The following ATP6V0D1 variants were observed in gnomAD, a reference collection of about 807,000 sequenced individuals.
ATP6V0D1 encodes the protein V-type proton ATPase subunit d 1.
In ATP6V0D1, 13 loss-of-function variants were observed where a neutral mutation model predicts 39.0. The ratio of observed to expected loss-of-function variants is 0.33; its 90% CI spans 0.22 to 0.53. The LOEUF is 0.53. Ranked by LOEUF, ATP6V0D1 falls within the 20% of genes least tolerant of loss-of-function variation. ATP6V0D1 has a pLI of 0.94. For missense variants in ATP6V0D1, 272 were observed against 470.9 expected (o/e 0.58, Z 3.91); for synonymous variants, 191 against 191.2 (o/e 1.00, Z 0.01).
At chr16:67,439,854 T>C in intron 4 of ATP6V0D1, 1 of 159,332 alleles carries the variant, frequency 6.3e-6, no homozygotes, top group East Asian at 1.8e-4. Context: ...CCGTCTCTAC[T>C]AAAAATACAA....
chr16:67,480,413 G>C (rs573913886), intron 1 of ATP6V0D1, among the ~76,000 whole-genome samples: 1 of 152,228 alleles, frequency 6.6e-6, no homozygotes, highest in East Asian at 1.9e-4. Context: ...ATTGCCTTCA[G>C]GAGATACTGC....
At chr16:67,473,578 C>T (rs1567543043) in intron 1 of ATP6V0D1, among the ~76,000 whole-genome samples, 1 of 152,202 alleles carries the variant, frequency 6.6e-6, no homozygotes, top group Non-Finnish European at 1.5e-5. Context: ...GGCTGGAGTG[C>T]AGTGGTGCAA....
intron 1 of ATP6V0D1, among the ~76,000 whole-genome samples, chr16:67,458,672 G>A (rs1237776412): frequency 6.6e-6 from 1 of 152,176 alleles, no homozygotes; most frequent in African/African-American, 2.4e-5. Context: ...TTCCTTGAAG[G>A]CTGATTTCTC....
chr16:67,452,769 T>G (rs1271151328), intron 2 of ATP6V0D1, among the ~76,000 whole-genome samples: 1 of 152,092 alleles, frequency 6.6e-6, no homozygotes, highest in Non-Finnish European at 1.5e-5. Context: ...TACCTCCCTG[T>G]GCAGTCCAGG....
intron 4 of ATP6V0D1, among the ~76,000 whole-genome samples, chr16:67,442,449 G>A (rs2041063772): frequency 7.1e-6 from 1 of 139,934 alleles, no homozygotes; most frequent in Admixed American, 6.7e-5. Flanking sequence ...ACTGGTCTCG[G>A]GCTTTTTTTT....
At chr16:67,445,222 G>A (rs1003286049) in intron 2 of ATP6V0D1, among the ~76,000 whole-genome samples, 18 of 152,322 alleles carry the variant, frequency 1.2e-4, no homozygotes, top group Non-Finnish European at 2.1e-4. Context: ...AGAGAAAGGC[G>A]CAGCAGCCGG....
Position 67,480,986 on chromosome 16 carries a change from A to C in ATP6V0D1, c.101T>G (p.Leu34Arg). ...KAGVLSQADY[L>R]NLVQCETLED... ...TAGCGTCTCGCACTGCACCAGGTTG[A>C]GGTAGTCGGCCTGGCTGAGCACCCC... The change falls in exon 1 of 8, where the codon CTC becomes CGC. Residue 34 changes from leucine to arginine, a missense_variant. Around this residue, in one of 4 missense-constraint regions of ATP6V0D1, gnomAD observed 81 missense variants for 96.0 expected, o/e 0.84. Transcript: ENST00000290949. The C allele has an allele frequency of 6.2e-7, 1 of 1,614,064 alleles. No homozygotes were observed. Among genetic ancestry groups the C allele is most frequent in the Non-Finnish European group, 8.5e-7 (1 of 1,179,972 alleles).
chr16:67,443,599 C>T (rs2041079637), intron 3 of ATP6V0D1, among the ~76,000 whole-genome samples: 1 of 152,202 alleles, frequency 6.6e-6, no homozygotes, highest in Non-Finnish European at 1.5e-5. Flanking sequence ...AACCAGCCTC[C>T]TCCTTAGGAC....
chr16:67,464,462 C>G (rs150567179), intron 1 of ATP6V0D1, among the ~76,000 whole-genome samples: 11 of 152,340 alleles, frequency 7.2e-5, no homozygotes, highest in African/African-American at 2.6e-4. Flanking sequence ...CCTCCAGGAG[C>G]CTGTCCAGCT....
intron 2 of ATP6V0D1, chr16:67,446,073 G>A: frequency 5.0e-6 from 2 of 403,072 alleles, no homozygotes; most frequent in Admixed American, 2.7e-5. Flanking sequence ...CCCTGTGACA[G>A]GACCTTGTGC....
chr16:67,461,489 G>A (rs773106996), intron 1 of ATP6V0D1, among the ~76,000 whole-genome samples: 1 of 152,198 alleles, frequency 6.6e-6, no homozygotes, highest in African/African-American at 2.4e-5. Flanking sequence ...CAGGTAGGAG[G>A]TAGTATAGCC....
At chr16:67,455,242 T>A (rs2041226343) in intron 1 of ATP6V0D1, 1 of 152,238 alleles carries the variant, frequency 6.6e-6, no homozygotes, top group Admixed American at 6.5e-5. Context: ...CAGGAGACCA[T>A]GCTAGCCTGG....
intron 1 of ATP6V0D1, chr16:67,459,202 G>C (rs550552217): frequency 2.0e-6 from 2 of 985,554 alleles, no homozygotes; most frequent in Non-Finnish European, 2.4e-6. Flanking sequence ...CTGCCGGAGA[G>C]AGAAGCCCTT....
chr16:67,477,812 A>ACAGG (rs1396165585), intron 1 of ATP6V0D1, among the ~76,000 whole-genome samples: 10 of 152,166 alleles, frequency 6.6e-5, no homozygotes, highest in Non-Finnish European at 1.3e-4. Context: ...AGCTGGGACT[A>ACAGG]CAGGCACCCG....
intron 1 of ATP6V0D1, among the ~76,000 whole-genome samples, chr16:67,478,059 G>C (rs894045658): frequency 3.9e-5 from 6 of 152,184 alleles, no homozygotes; most frequent in Admixed American, 3.9e-4. Flanking sequence ...CATTTACCTA[G>C]CGCTTATTCT....
chr16:67,471,603 A>G (rs1429361151), intron 1 of ATP6V0D1, among the ~76,000 whole-genome samples: 1 of 152,096 alleles, frequency 6.6e-6, no homozygotes, highest in East Asian at 1.9e-4. Flanking sequence ...AACTTCTCCT[A>G]TCTAGCTGTA....
At chr16:67,459,725 C>T (rs2041274095) in intron 1 of ATP6V0D1, among the ~76,000 whole-genome samples, 1 of 152,258 alleles carries the variant, frequency 6.6e-6, no homozygotes, top group East Asian at 1.9e-4. Flanking sequence ...GGCTCCCAGG[C>T]TCAGATGGCA....
chr16:67,439,180 G>T, intron 5 of ATP6V0D1, 33 bp from the exon 6 acceptor site: 1 of 1,613,572 alleles, frequency 6.2e-7, no homozygotes, highest in Admixed American at 1.7e-5. Context: ...AGAAGAGAGG[G>T]AGGAAGAAGG....
intron 2 of ATP6V0D1, chr16:67,452,576 G>A: frequency 1.5e-6 from 1 of 680,946 alleles, no homozygotes; most frequent in Non-Finnish European, 2.6e-6. Flanking sequence ...GAGAGCTCAG[G>A]GAAATGCTTC....
Sources: allele counts gnomAD v4.1 joint callset (sites outside exome capture counted in the v4.1 genomes callset), GRCh38; gene constraint gnomAD v4.1.1; regional missense constraint gnomAD v4.1.1; transcripts MANE v1.5; gene names NCBI Gene and HGNC (gene_info 2026-07-23, HGNC 2026-07-21).